ASAP1: variants seen among roughly 807,000 people sequenced by gnomAD.
The protein encoded by ASAP1 is ArfGAP with SH3 domain, ankyrin repeat and PH domain 1, also known as arf-GAP with SH3 domain, ANK repeat and PH domain-containing protein 1.
A neutral mutation model predicts 145.2 loss-of-function variants in ASAP1; 43 were observed. The observed-to-expected ratio is 0.30, with a 90% CI of 0.23 to 0.38. ASAP1 has a LOEUF of 0.38. Among genes scored for constraint, ASAP1 ranks in the 10% least tolerant of loss-of-function variants. The pLI is 1.00. For synonymous variants in ASAP1, 546 were observed against 515.5 expected, an observed-to-expected ratio of 1.06 and a Z score of -0.80; for missense variants, 1,018 against 1,355.3, an observed-to-expected ratio of 0.75 and a Z score of 3.91.
rs2097399353 is a variant in ASAP1 at position 130,054,497 on chromosome 8, C to G, written c.*234G>C. The G allele has an allele frequency of 6.8e-6, 3 of 439,572 alleles. No homozygotes were observed. Among genetic ancestry groups the G allele is most frequent in the Non-Finnish European group, 1.3e-5 (3 of 234,328 alleles). 27.2% of individuals were successfully genotyped at this position (439,572 alleles called of 1,614,324 possible). A position where few individuals can be genotyped will look rare whatever the true frequency, so the allele number is the denominator to read the frequency against. On this transcript the variant is annotated 3_prime_UTR_variant, in exon 30 of 30. Coordinates refer to ENST00000518721, the MANE Select transcript of ASAP1 (RefSeq NM_018482.4). ...CATAGAGAGATGTAAGTGCTAGATG[C>G]CAAGGATGGCTTTGGCAAACCAGTA...
chr8:130,288,418 C>A (rs1380517592), intron 3 of ASAP1, among the ~76,000 whole-genome samples: 2 of 151,912 alleles, frequency 1.3e-5, no homozygotes, highest in Admixed American at 1.3e-4. Context: ...GAATATAAAC[C>A]TCCCTGCAAA....
chr8:130,173,525 G>C (rs988260887), intron 9 of ASAP1, among the ~76,000 whole-genome samples: 8 of 152,160 alleles, frequency 5.3e-5, no homozygotes, highest in South Asian at 2.1e-4. Flanking sequence ...CAGCACTTTG[G>C]GGGGCCAAGG....
chr8:130,406,181 C>T (rs1829018982), intron 1 of ASAP1, among the ~76,000 whole-genome samples: 1 of 152,216 alleles, frequency 6.6e-6, no homozygotes, highest in Admixed American at 6.5e-5. Context: ...GTGCCAGGGA[C>T]TGCTCCTGCT....
At chr8:130,314,936 C>G (rs538455765) in intron 3 of ASAP1, among the ~76,000 whole-genome samples, 4 of 152,258 alleles carry the variant, frequency 2.6e-5, no homozygotes, top group Non-Finnish European at 4.4e-5. Flanking sequence ...AAGTGGGTTC[C>G]AACCCCAGGT....
intron 24 of ASAP1, among the ~76,000 whole-genome samples, chr8:130,108,173 T>C (rs2097540758): frequency 6.6e-6 from 1 of 152,246 alleles, no homozygotes; most frequent in South Asian, 2.1e-4. Flanking sequence ...TGCTAGTTTA[T>C]TAGTTCCAAG....
intron 26 of ASAP1, 151 bp downstream of exon 26, chr8:130,079,750 AG>A: frequency 1.4e-6 from 1 of 735,556 alleles, no homozygotes; most frequent in South Asian, 1.7e-5. Flanking sequence ...ATGCAAACCA[AG>A]AGTGAACGTC....
intron 2 of ASAP1, among the ~76,000 whole-genome samples, chr8:130,398,741 A>G (rs1828645342): frequency 6.6e-6 from 1 of 152,222 alleles, no homozygotes; most frequent in Non-Finnish European, 1.5e-5. Flanking sequence ...TCTATAAAAC[A>G]GGAGAGAACA....
chr8:130,322,161 A>ATT (rs1200244699), intron 3 of ASAP1, among the ~76,000 whole-genome samples: 1 of 152,224 alleles, frequency 6.6e-6, no homozygotes, highest in Non-Finnish European at 1.5e-5. Context: ...CAAAAGCAAA[A>ATT]TTTAAAAGTC....
At chr8:130,098,002 T>C (rs949781164) in intron 24 of ASAP1, among the ~76,000 whole-genome samples, 1 of 152,192 alleles carries the variant, frequency 6.6e-6, no homozygotes, top group Admixed American at 6.5e-5. Context: ...GCTTTTCAAA[T>C]CTCTTCCTCC....
At chr8:130,370,958 T>C (rs896084922) in intron 2 of ASAP1, among the ~76,000 whole-genome samples, 2 of 152,214 alleles carry the variant, frequency 1.3e-5, no homozygotes, top group Non-Finnish European at 1.5e-5. Context: ...AAAAATGTTC[T>C]GGAAATAGAC....
intron 24 of ASAP1, among the ~76,000 whole-genome samples, chr8:130,106,981 A>C (rs1179509679): frequency 2.0e-5 from 3 of 152,180 alleles, no homozygotes; most frequent in Non-Finnish European, 4.4e-5. Context: ...GGATTGAACA[A>C]ACTTGTATTT....
chr8:130,349,413 A>T (rs936233022), intron 3 of ASAP1, among the ~76,000 whole-genome samples: 16 of 152,212 alleles, frequency 1.1e-4, no homozygotes, highest in African/African-American at 3.6e-4. Flanking sequence ...ACAGGGCAAT[A>T]GCAACAAGGA....
intron 27 of ASAP1, among the ~76,000 whole-genome samples, chr8:130,072,830 C>CGCGCGCGCGCG (rs1448184178): frequency 6.6e-4 from 21 of 31,928 alleles, no homozygotes; most frequent in African/African-American, 2.4e-3. Context: ...TGTGTGCGCG[C>CGCGCGCGCGCG]GGGGGGGGGC....
chr8:130,279,654 C>T (rs1821136468), intron 3 of ASAP1, among the ~76,000 whole-genome samples: 1 of 152,138 alleles, frequency 6.6e-6, no homozygotes, highest in African/African-American at 2.4e-5. Flanking sequence ...ATAGACTTGA[C>T]TAGATAATTT....
At position 130,358,582 on chromosome 8, in the gene ASAP1, G is replaced by C. The variant is rs1165849644; in HGVS notation, c.60-439C>G. Among the ~76,000 whole-genome samples the C allele has an allele frequency of 6.8e-6, 1 of 147,392 alleles. No individual in the cohort carries two copies. Among genetic ancestry groups the C allele is most frequent in the Non-Finnish European group, 1.5e-5 (1 of 66,182 alleles). On this transcript the variant is annotated intron_variant, in intron 2 of 29. Coordinates refer to ENST00000518721, the MANE Select transcript of ASAP1 (RefSeq NM_018482.4). This position sits in a 1 kb window ranked among gnomAD's most constrained non-coding sequence, Gnocchi z 4.1. ...CAGACGCGCTGACAGGCGGCGGCGC[G>C]GGCCTGACTGACTGAGCGCACACTC...
chr8:130,056,650 G>C (rs1324621946), intron 29 of ASAP1, among the ~76,000 whole-genome samples: 2 of 152,196 alleles, frequency 1.3e-5, no homozygotes, highest in Non-Finnish European at 2.9e-5. Flanking sequence ...AAAAGTCAAA[G>C]GTGAATGTGT....
intron 2 of ASAP1, among the ~76,000 whole-genome samples, chr8:130,385,663 G>A (rs939833683): frequency 3.3e-5 from 5 of 152,206 alleles, no homozygotes; most frequent in African/African-American, 1.2e-4. Flanking sequence ...GTCCACGAGT[G>A]GAGGGAGAGT....
At chr8:130,157,018 T>G (rs2097659465) in intron 12 of ASAP1, among the ~76,000 whole-genome samples, 3 of 152,222 alleles carry the variant, frequency 2.0e-5, no homozygotes, top group African/African-American at 7.2e-5. Flanking sequence ...TATGTAATAG[T>G]ACATTGTTGC....
intron 4 of ASAP1, among the ~76,000 whole-genome samples, chr8:130,216,884 C>T (rs989477839): frequency 3.3e-5 from 5 of 152,234 alleles, no homozygotes; most frequent in South Asian, 2.1e-4. Flanking sequence ...ATACACTCTG[C>T]TTCTGAAATG....
Sources: gnomAD v4.1 joint callset for allele counts (sites outside exome capture counted in the v4.1 genomes callset) on GRCh38, gnomAD v4.1.1 for gene constraint, Gnocchi (gnomAD v3.1) non-coding constraint, MANE v1.5 for transcripts, NCBI Gene and HGNC (gene_info 2026-07-23, HGNC 2026-07-21) for gene names.